The following SHROOM3 variants were observed in gnomAD, a reference collection of about 807,000 sequenced individuals.
SHROOM3 encodes the protein protein Shroom3.
A neutral mutation model predicts 138.6 loss-of-function variants in SHROOM3; 47 were observed. The ratio of observed to expected loss-of-function variants is 0.34; its 90% CI spans 0.27 to 0.43. The LOEUF is 0.43. Ranked by LOEUF, SHROOM3 falls within the 20% of genes least tolerant of loss-of-function variation. The pLI is 1.00. For missense variants in SHROOM3, 2,491 were observed against 2,596.5 expected (o/e 0.96, Z 0.88); for synonymous variants, 1,062 against 1,063.3 (o/e 1.00, Z 0.02).
chr4:76,626,635 T>A (rs1260976128), intron 2 of SHROOM3, among the ~76,000 whole-genome samples: 1 of 152,200 alleles, frequency 6.6e-6, no homozygotes, highest in African/African-American at 2.4e-5. Context: ...GGCATTTTAT[T>A]TGCATCATCT....
At chr4:76,498,496 G>A (rs924910410) in intron 1 of SHROOM3, among the ~76,000 whole-genome samples, 1 of 152,072 alleles carries the variant, frequency 6.6e-6, no homozygotes, top group African/African-American at 2.4e-5. Flanking sequence ...AGGAGGACTG[G>A]TTGACTTTTT....
intron 1 of SHROOM3, among the ~76,000 whole-genome samples, chr4:76,487,097 C>T (rs966039125): frequency 2.0e-5 from 3 of 152,156 alleles, no homozygotes; most frequent in Non-Finnish European, 4.4e-5. Context: ...TTCTCTGTTC[C>T]TCTCTTGCCC....
chr4:76,773,186 C>A (rs938142924), intron 10 of SHROOM3, among the ~76,000 whole-genome samples: 1 of 151,920 alleles, frequency 6.6e-6, no homozygotes, highest in African/African-American at 2.4e-5. Context: ...ACCAGCCTGG[C>A]CAACATGGCA....
intron 5 of SHROOM3, among the ~76,000 whole-genome samples, chr4:76,742,782 CAA>C (rs2110136129): frequency 6.6e-6 from 1 of 152,214 alleles, no homozygotes; most frequent in African/African-American, 2.4e-5. Context: ...CCCTTCCCAC[CAA>C]AGACAATAAT....
intron 1 of SHROOM3, among the ~76,000 whole-genome samples, chr4:76,519,469 C>T (rs1474737625): frequency 6.6e-6 from 1 of 152,132 alleles, no homozygotes; most frequent in Non-Finnish European, 1.5e-5. Flanking sequence ...ATCAATTCAG[C>T]CTGATAGTCT....
chr4:76,450,511 A>G (rs1730905243), intron 1 of SHROOM3, among the ~76,000 whole-genome samples: 1 of 152,230 alleles, frequency 6.6e-6, no homozygotes. Context: ...TGAATAAACA[A>G]AATGTGGTAT....
In SHROOM3 at chr4:76,782,199, C is replaced by T. The variant is rs1277657768; in HGVS notation, c.*3022C>T. The T allele has an allele frequency of 6.6e-6, 1 of 152,228 alleles. No homozygotes were observed. The highest frequency in any genetic ancestry group is 1.9e-4 in the East Asian group (1 of 5,200). The allele number at this position is 152,228 out of a possible 1,614,324, so 9.4% of individuals were successfully genotyped here. ...AAGGGAGGATCCACAGTGAAAGTGC[C>T]TGAGTTTCTCTATGAGACCAGATGC... On this transcript the variant is annotated 3_prime_UTR_variant, in exon 11 of 11. Coordinates refer to ENST00000296043, the MANE Select transcript of SHROOM3 (RefSeq NM_020859.4).
chr4:76,665,319 A>G (rs1311940353), intron 2 of SHROOM3, among the ~76,000 whole-genome samples: 4 of 152,010 alleles, frequency 2.6e-5, no homozygotes, highest in Admixed American at 6.6e-5. Flanking sequence ...TTAATCTCCT[A>G]TCTCTCTGCC....
chr4:76,617,554 C>G (rs1734909173), intron 2 of SHROOM3, among the ~76,000 whole-genome samples: 1 of 152,170 alleles, frequency 6.6e-6, no homozygotes, highest in Non-Finnish European at 1.5e-5. Flanking sequence ...TGACCACAGT[C>G]AGATATTTTT....
chr4:76,494,139 C>T (rs1198382859), intron 1 of SHROOM3, among the ~76,000 whole-genome samples: 4 of 147,060 alleles, frequency 2.7e-5, no homozygotes, highest in African/African-American at 1.0e-4. Context: ...TTAATATCTG[C>T]TGGTGTGTGC....
intron 2 of SHROOM3, among the ~76,000 whole-genome samples, chr4:76,691,371 C>T (rs1370842781): frequency 6.6e-6 from 1 of 152,198 alleles, no homozygotes; most frequent in African/African-American, 2.4e-5. Flanking sequence ...GTTTAGAATT[C>T]CTCAATTTTG....
At chr4:76,620,256 G>A (rs192624552) in intron 2 of SHROOM3, among the ~76,000 whole-genome samples, 2 of 152,138 alleles carry the variant, frequency 1.3e-5, no homozygotes, top group East Asian at 3.9e-4. Context: ...GATGATTTTG[G>A]TCTTGGAGAG....
intron 2 of SHROOM3, among the ~76,000 whole-genome samples, chr4:76,615,596 G>A (rs1734857008): frequency 6.6e-6 from 1 of 152,176 alleles, no homozygotes; most frequent in Admixed American, 6.5e-5. Flanking sequence ...ACCCATCACT[G>A]TAGTCATGTG....
chr4:76,714,119 C>T (rs1720307654), intron 3 of SHROOM3, among the ~76,000 whole-genome samples: 1 of 152,122 alleles, frequency 6.6e-6, no homozygotes. Flanking sequence ...ATGTTAACAC[C>T]CTTTATAACC....
chr4:76,728,101 G>A (rs1412596163), intron 3 of SHROOM3, among the ~76,000 whole-genome samples: 1 of 151,414 alleles, frequency 6.6e-6, no homozygotes, highest in Non-Finnish European at 1.5e-5. Context: ...ACTTGAACCT[G>A]GGAGGCAGAG....
intron 1 of SHROOM3, among the ~76,000 whole-genome samples, chr4:76,437,980 G>A (rs1174162945): frequency 6.6e-6 from 1 of 152,036 alleles, no homozygotes; most frequent in Non-Finnish European, 1.5e-5. Context: ...TGCAGAATGG[G>A]GCTATCCTAC....
Position 76,754,770 on chromosome 4 carries a change from T to C in SHROOM3, c.4287T>C (p.Ser1429=). 6.2e-7 allele frequency: 1 copy of C among 1,614,146 alleles called. No homozygotes were observed. Among genetic ancestry groups the C allele is most frequent in the Non-Finnish European group, 8.5e-7 (1 of 1,180,008 alleles). ...CGCTGCCTCAGTGGCCACCTCCTTC[T>C]CGAGCAAAGTGGGCCCACGCAGCCA... ...RVSLPQWPPP[S]RAKWAHAARE... Residue 1429 remains serine (S), a synonymous_variant, in exon 7 of 11, where the codon TCT becomes TCC. Transcript: ENST00000296043.
At chr4:76,661,992 A>G (rs953073417) in intron 2 of SHROOM3, among the ~76,000 whole-genome samples, 4 of 152,150 alleles carry the variant, frequency 2.6e-5, no homozygotes, top group Non-Finnish European at 5.9e-5. Context: ...CCTTCCCAAC[A>G]TGTGGTACTG....
At chr4:76,444,484 CTTTTTTTTTTTTTTT>C (rs61655085) in intron 1 of SHROOM3, among the ~76,000 whole-genome samples, 7 of 60,154 alleles carry the variant, frequency 1.2e-4, no homozygotes, top group East Asian at 5.3e-4. Context: ...CTCTTTCTTT[CTTTTTTTTTTTTTTT>C]TTTTTTTTTT....
Sources: allele counts gnomAD v4.1 joint callset (sites outside exome capture counted in the v4.1 genomes callset), GRCh38; gene constraint gnomAD v4.1.1; transcripts MANE v1.5; gene names NCBI Gene and HGNC (gene_info 2026-07-23, HGNC 2026-07-21).